The following APBB2 variants were observed in gnomAD, a reference collection of about 807,000 sequenced individuals.
The protein encoded by APBB2 is amyloid beta precursor protein binding family B member 2.
APBB2 carries 38 observed loss-of-function variants against 82.5 expected under a neutral mutation model. The observed-to-expected ratio is 0.46, with a 90% CI of 0.36 to 0.60. The LOEUF (loss-of-function observed/expected upper bound fraction) is 0.60, where lower values mean the gene tolerates loss of function less well. Ranked by LOEUF, APBB2 falls within the 20% of genes least tolerant of loss-of-function variation. The pLI is 0.00. For synonymous variants in APBB2, 341 were observed against 368.2 expected (o/e 0.93, Z 0.85); for missense variants, 772 against 972.3 (o/e 0.79, Z 2.74).
chr4:41,148,905 C>T (rs1761495245), intron 1 of APBB2, among the ~76,000 whole-genome samples: 1 of 152,068 alleles, frequency 6.6e-6, no homozygotes. Context: ...ATATAAAATA[C>T]ATATAGGAAA....
chr4:41,024,370 T>C (rs560003578), intron 5 of APBB2, among the ~76,000 whole-genome samples: 39 of 152,196 alleles, frequency 2.6e-4, no homozygotes, highest in African/African-American at 8.9e-4. Flanking sequence ...AAAGAAACTA[T>C]CAACAGAGTA....
chr4:40,910,439 G>C (rs1298114411), intron 10 of APBB2, among the ~76,000 whole-genome samples: 1 of 151,990 alleles, frequency 6.6e-6, no homozygotes, highest in Non-Finnish European at 1.5e-5. Context: ...GGGTCTCACT[G>C]TGCTACCCAG....
chr4:41,153,601 T>C (rs992121920), intron 1 of APBB2, among the ~76,000 whole-genome samples: 26 of 152,154 alleles, frequency 1.7e-4, no homozygotes, highest in Non-Finnish European at 7.3e-5. Context: ...ACAATCTTAA[T>C]CTTCAAGGCC....
intron 1 of APBB2, among the ~76,000 whole-genome samples, chr4:41,212,283 C>T (rs1257104840): frequency 6.6e-6 from 1 of 152,170 alleles, no homozygotes; most frequent in Non-Finnish European, 1.5e-5. Flanking sequence ...ATTTTGGAGT[C>T]AGTATTCACA....
chr4:40,890,506 G>A lies in APBB2; in HGVS notation c.1402-15C>T. 1 of 1,613,458 alleles carries A rather than the reference G, an allele frequency of 6.2e-7. No homozygotes were observed. The highest frequency in any genetic ancestry group is 8.5e-7 in the Non-Finnish European group (1 of 1,179,734). The stretch of plus-strand genomic sequence containing the variant: ...ATGTCTTTCCCCTGGGACACAACGA[G>A]AAAACACGCTGTCTTCTTCATGCAG... On this transcript the variant is annotated splice_polypyrimidine_tract_variant and intron_variant, in intron 11 of 17. Transcript: ENST00000508593.
intron 12 of APBB2, among the ~76,000 whole-genome samples, chr4:40,859,902 G>A (rs554844863): frequency 1.8e-4 from 27 of 152,230 alleles, no homozygotes; most frequent in African/African-American, 6.3e-4. Flanking sequence ...TCCCTGCACT[G>A]CTCACCTGAT....
At chr4:41,134,753 GCTTAGTA>G (rs1757108341) in intron 2 of APBB2, among the ~76,000 whole-genome samples, 1 of 152,178 alleles carries the variant, frequency 6.6e-6, no homozygotes, top group South Asian at 2.1e-4. Context: ...CTGAGAAAGT[GCTTAGTA>G]CTTGGCAAAC....
At chr4:41,212,721 C>T (rs763885821) in intron 1 of APBB2, among the ~76,000 whole-genome samples, 3 of 152,140 alleles carry the variant, frequency 2.0e-5, no homozygotes, top group East Asian at 1.9e-4. Context: ...AACGAAAGAA[C>T]AGCAATTGAA....
rs577220773 is a variant in APBB2, at chr4:40,894,988, T to G, written c.1255-1577A>C. Among the ~76,000 whole-genome samples, 7 of 152,308 alleles carry G rather than the reference T, an allele frequency of 4.6e-5. No homozygotes were observed. In the South Asian group the frequency reaches 1.4e-3, roughly 32 times the overall value. On this transcript the variant is annotated intron_variant, in intron 10 of 17. Coordinates refer to ENST00000508593, the MANE Select transcript of APBB2 (RefSeq NM_004307.2). The stretch of plus-strand genomic sequence containing the variant: ...AAGGCAGACATGGAGCCATCCTTCC[T>G]TGGGAGCCAACAGACTGGATCTCAA...
chr4:41,130,843 A>T (rs993202069), intron 2 of APBB2, among the ~76,000 whole-genome samples: 4 of 151,842 alleles, frequency 2.6e-5, no homozygotes, highest in South Asian at 2.1e-4. Flanking sequence ...CCCTTCCTCT[A>T]TGAAGCTTCC....
At chr4:40,846,199 G>A (rs966424263) in intron 12 of APBB2, among the ~76,000 whole-genome samples, 2 of 151,868 alleles carry the variant, frequency 1.3e-5, no homozygotes, top group African/African-American at 4.8e-5. Context: ...ACAGGATGGC[G>A]GCTTGAGTAT....
chr4:40,821,281 A>G (rs1040549129), intron 17 of APBB2, among the ~76,000 whole-genome samples: 1 of 152,246 alleles, frequency 6.6e-6, no homozygotes, highest in Non-Finnish European at 1.5e-5. Context: ...CATGTGGTAT[A>G]AAGAGCTCTG....
chr4:41,022,093 G>C (rs1314898756), intron 5 of APBB2, among the ~76,000 whole-genome samples: 2 of 152,206 alleles, frequency 1.3e-5, no homozygotes, highest in African/African-American at 4.8e-5. Flanking sequence ...CTTGAAGTCA[G>C]CAAGACCAAG....
intron 12 of APBB2, chr4:40,880,850 T>C: frequency 1.0e-6 from 1 of 980,860 alleles, no homozygotes. Flanking sequence ...CAAGAAATCC[T>C]GAACCATGCT....
chr4:40,860,108 A>T (rs754595217), intron 12 of APBB2, among the ~76,000 whole-genome samples: 1 of 152,202 alleles, frequency 6.6e-6, no homozygotes, highest in Non-Finnish European at 1.5e-5. Context: ...ATAAACTTAC[A>T]GAGTCTGGTT....
At chr4:41,034,470 G>A (rs767033646) in intron 4 of APBB2, among the ~76,000 whole-genome samples, 7 of 152,070 alleles carry the variant, frequency 4.6e-5, no homozygotes, top group African/African-American at 1.2e-4. Flanking sequence ...GATTACAGGC[G>A]CGCATCACCA....
intron 2 of APBB2, among the ~76,000 whole-genome samples, chr4:41,116,128 G>A (rs1390342988): frequency 6.6e-6 from 1 of 152,200 alleles, no homozygotes; most frequent in African/African-American, 2.4e-5. Context: ...GGAATACTAT[G>A]CAGACATAAA....
chr4:41,193,486 C>G, intron 1 of APBB2: 1 of 815,808 alleles, frequency 1.2e-6, no homozygotes, highest in Non-Finnish European at 1.5e-6. Flanking sequence ...TGAAGGGCAC[C>G]AAAACCTCAG....
chr4:40,880,777 C>T (rs977325216), intron 12 of APBB2: 3 of 985,296 alleles, frequency 3.0e-6, no homozygotes, highest in African/African-American at 3.5e-5. Flanking sequence ...GACTTTTCTG[C>T]TCTCTCTTGA....
Sources: allele counts gnomAD v4.1 joint callset (sites outside exome capture counted in the v4.1 genomes callset), GRCh38; gene constraint gnomAD v4.1.1; transcripts MANE v1.5; gene names NCBI Gene and HGNC (gene_info 2026-07-23, HGNC 2026-07-21).